ASF1B: variants seen among roughly 807,000 people sequenced by gnomAD.
ASF1B encodes the protein histone chaperone ASF1B.
A neutral mutation model predicts 16.6 loss-of-function variants in ASF1B; 10 were observed. The ratio of observed to expected loss-of-function variants is 0.60; its 90% CI spans 0.37 to 1.02. The LOEUF is 1.02. Among genes scored for constraint, ASF1B ranks in the 50% least tolerant of loss-of-function variants. The pLI is 0.01. For synonymous variants in ASF1B, 101 were observed against 106.2 expected (o/e 0.95, Z 0.30); for missense variants, 240 against 266.0 (o/e 0.90, Z 0.68).
intron 1 of ASF1B, among the ~76,000 whole-genome samples, chr19:14,132,745 G>C (rs1415125302): frequency 6.6e-6 from 1 of 152,176 alleles, no homozygotes; most frequent in Non-Finnish European, 1.5e-5. Context: ...TTGAACTCGA[G>C]AGGTGGAGAT....
intron 1 of ASF1B, among the ~76,000 whole-genome samples, chr19:14,132,024 GTTT>G (rs34539223): frequency 0.018 from 2,261 of 124,546 alleles, 66 homozygotes; most frequent in African/African-American, 0.065. Flanking sequence ...GGTTAGGGTG[GTTT>G]TTTTTTTTTT....
rs537448562 is a variant in ASF1B, at chr19:14,123,779, C to T, written c.226-2071G>A. On this transcript the variant is annotated intron_variant, in intron 2 of 3. Coordinates refer to ENST00000263382, the MANE Select transcript of ASF1B (RefSeq NM_018154.3). ...AACTCCTGGAACTCCTGGGCTCAAG[C>T]GAGCCTATTTTTTTTTTTTTTTTTT... is the stretch of plus-strand genomic sequence containing the variant. Among the ~76,000 whole-genome samples, 14 of 147,920 alleles carry T rather than the reference C, an allele frequency of 9.5e-5. No individual in the cohort carries two copies. The East Asian group carries it at 1.2e-3, about 13-fold the overall frequency.
At chr19:14,132,359 C>T (rs764377027) in intron 1 of ASF1B, among the ~76,000 whole-genome samples, 2 of 152,040 alleles carry the variant, frequency 1.3e-5, no homozygotes, top group African/African-American at 4.8e-5. Flanking sequence ...TTTCAGTTGA[C>T]GCTGCTGAGA....
Position 14,126,213 on chromosome 19 carries a change from A to G in ASF1B, c.134T>C (p.Val45Ala). The G allele has an allele frequency of 1.2e-6, 2 of 1,613,404 alleles. No individual in the cohort carries two copies. Among genetic ancestry groups the G allele is most frequent in the South Asian group, 1.1e-5 (1 of 91,082 alleles). ...ADDLEWKIIY[V>A]GSAESEEFDQ... is the part of the protein sequence containing the mutation. ...AAATTCCTCACTCTCAGCCGAGCCA[A>G]CATAAATGATCTTCCACTCCAGGTC... Residue 45 changes from valine to alanine, a missense_variant, in exon 2 of 4, where the codon GTT becomes GCT. Coordinates refer to ENST00000263382, the MANE Select transcript of ASF1B (RefSeq NM_018154.3).
chr19:14,132,854 G>A (rs1967426713), intron 1 of ASF1B, among the ~76,000 whole-genome samples: 1 of 151,126 alleles, frequency 6.6e-6, no homozygotes, highest in African/African-American at 2.4e-5. Flanking sequence ...ATCATACGAC[G>A]GGCACGGTGG....
chr19:14,120,638 G>A lies in ASF1B; in HGVS notation c.430C>T (p.Pro144Ser), dbSNP rs1424030344. 2 of 1,614,072 alleles carry A rather than the reference G, an allele frequency of 1.2e-6. No individual in the cohort carries two copies. Among genetic ancestry groups the A allele is most frequent in the Admixed American group, 3.3e-5 (2 of 60,012 alleles). ...QLQRNILASN[P>S]RVTRFHINWD... ...TTGATATGGAAGCGGGTCACCCGGGGGTTCGAGGCCAAGATGTTCCGCTGG... is the reference window on the plus strand; with the variant it reads ...TTGATATGGAAGCGGGTCACCCGGGAGTTCGAGGCCAAGATGTTCCGCTGG... Residue 144 changes from proline (P) to serine (S), a missense_variant, in exon 4 of 4, where the codon CCC becomes TCC. Transcript: ENST00000263382.
chr19:14,133,236 A>G (rs1437928744), intron 1 of ASF1B, among the ~76,000 whole-genome samples: 2 of 152,156 alleles, frequency 1.3e-5, no homozygotes, highest in Non-Finnish European at 2.9e-5. Context: ...TCTATGCTCC[A>G]CCCCTGAAAC....
At chr19:14,133,828 G>T (rs1359159991) in intron 1 of ASF1B, among the ~76,000 whole-genome samples, 1 of 124,966 alleles carries the variant, frequency 8.0e-6, no homozygotes. Flanking sequence ...TTTTGAGACG[G>T]AGTCTCGCTC....
chr19:14,134,150 T>C (rs1168707339), intron 1 of ASF1B, among the ~76,000 whole-genome samples: 9 of 152,154 alleles, frequency 5.9e-5, no homozygotes, highest in Non-Finnish European at 1.2e-4. Context: ...GATTGAAACC[T>C]GATCTCCTGC....
intron 1 of ASF1B, among the ~76,000 whole-genome samples, chr19:14,132,993 G>T (rs539030407): frequency 6.6e-6 from 1 of 151,814 alleles, no homozygotes; most frequent in Non-Finnish European, 1.5e-5. Context: ...GGTTTCGGGC[G>T]CCTGTAGTCC....
chr19:14,131,968 G>T (rs1967411879), intron 1 of ASF1B, among the ~76,000 whole-genome samples: 1 of 152,006 alleles, frequency 6.6e-6, no homozygotes, highest in East Asian at 1.9e-4. Context: ...GTGCAAAGGG[G>T]GCTTGGGGCC....
chr19:14,127,248 T>G (rs931546021), intron 1 of ASF1B, among the ~76,000 whole-genome samples: 3 of 152,220 alleles, frequency 2.0e-5, no homozygotes, highest in Non-Finnish European at 4.4e-5. Flanking sequence ...CAGGTGACCT[T>G]GACTATACCT....
intron 1 of ASF1B, among the ~76,000 whole-genome samples, chr19:14,131,551 C>T (rs1043888938): frequency 7.4e-5 from 11 of 148,002 alleles, no homozygotes; most frequent in Non-Finnish European, 1.0e-4. Flanking sequence ...GGTGCAATCT[C>T]GGCTCGCTGC....
At chr19:14,121,819 C>T in intron 2 of ASF1B, 111 bp from the exon 3 acceptor site, 2 of 1,029,842 alleles carry the variant, frequency 1.9e-6, no homozygotes, top group African/African-American at 1.6e-5. Flanking sequence ...ATGCTCTCTG[C>T]CCTCAGTTTT....
At chr19:14,129,383 G>A (rs1161558693) in intron 1 of ASF1B, among the ~76,000 whole-genome samples, 1 of 152,136 alleles carries the variant, frequency 6.6e-6, no homozygotes, top group African/African-American at 2.4e-5. Flanking sequence ...TGACTCAAGA[G>A]TTACAGAAGC....
intron 1 of ASF1B, among the ~76,000 whole-genome samples, chr19:14,130,203 C>G (rs899066386): frequency 6.6e-6 from 1 of 151,760 alleles, no homozygotes; most frequent in Admixed American, 6.6e-5. Context: ...GGACTACAGG[C>G]ACCCCCCACC....
chr19:14,136,215 G>C, intron 1 of ASF1B, 133 bp downstream of exon 1: 1 of 666,620 alleles, frequency 1.5e-6, no homozygotes, highest in East Asian at 2.9e-5. Flanking sequence ...CTGGCGGGCT[G>C]GGGGAGATCG....
chr19:14,129,984 G>A (rs1222121451), intron 1 of ASF1B, among the ~76,000 whole-genome samples: 3 of 151,392 alleles, frequency 2.0e-5, no homozygotes, highest in Admixed American at 1.3e-4. Flanking sequence ...CAGCCTGGGT[G>A]ACAGAGTGAG....
At chr19:14,127,034 G>A (rs1046804721) in intron 1 of ASF1B, among the ~76,000 whole-genome samples, 1 of 152,238 alleles carries the variant, frequency 6.6e-6, no homozygotes, top group African/African-American at 2.4e-5. Context: ...CGATCCTCCT[G>A]CCTCGGACTC....
Sources: allele counts gnomAD v4.1 joint callset (sites outside exome capture counted in the v4.1 genomes callset), GRCh38; gene constraint gnomAD v4.1.1; transcripts MANE v1.5; gene names NCBI Gene and HGNC (gene_info 2026-07-23, HGNC 2026-07-21).